ROBO1: variants seen among roughly 807,000 people sequenced by gnomAD.
The protein encoded by ROBO1 is roundabout homolog 1.
ROBO1 carries 149 observed loss-of-function variants against 195.9 expected under a neutral mutation model. The observed-to-expected ratio is 0.76, with a 90% CI of 0.67 to 0.87. The LOEUF is 0.87. Among genes scored for constraint, ROBO1 ranks in the 40% least tolerant of loss-of-function variants. ROBO1 has a pLI of 0.00. For missense variants in ROBO1, 1,933 were observed against 2,068.3 expected (o/e 0.93, Z 1.27); for synonymous variants, 816 against 733.2 (o/e 1.11, Z -1.82).
At chr3:79,603,623 A>G (rs772495702) in intron 1 of ROBO1, among the ~76,000 whole-genome samples, 14 of 152,038 alleles carry the variant, frequency 9.2e-5, no homozygotes, top group Non-Finnish European at 1.6e-4. Context: ...AGAGGATACT[A>G]AAACCTCATA....
chr3:78,647,919 G>A (rs947603100), intron 19 of ROBO1, among the ~76,000 whole-genome samples: 1 of 152,048 alleles, frequency 6.6e-6, no homozygotes, highest in Non-Finnish European at 1.5e-5. Flanking sequence ...GAATGACCCT[G>A]CATTTAGTAA....
At chr3:79,155,655 C>A (rs1343878975) in intron 2 of ROBO1, among the ~76,000 whole-genome samples, 1 of 151,502 alleles carries the variant, frequency 6.6e-6, no homozygotes, top group Admixed American at 6.6e-5. Flanking sequence ...TTCTTTTATT[C>A]CTAACAGTAC....
At chr3:78,967,841 G>C (rs76132424) in intron 3 of ROBO1, among the ~76,000 whole-genome samples, 7,728 of 152,036 alleles carry the variant, frequency 0.051, 229 homozygotes, top group Middle Eastern at 0.1. Context: ...GAAATTAAAT[G>C]GTATCTTTAA....
At chr3:78,652,028 G>T in intron 18 of ROBO1, 99 bp from the exon 19 acceptor site, 5 of 974,050 alleles carry the variant, frequency 5.1e-6, no homozygotes, top group South Asian at 1.6e-5. Flanking sequence ...TCTGGATAAT[G>T]ATTTCTGTTT....
chr3:79,752,593 G>T (rs1704178287), intron 1 of ROBO1, among the ~76,000 whole-genome samples: 1 of 152,126 alleles, frequency 6.6e-6, no homozygotes, highest in South Asian at 2.1e-4. Flanking sequence ...ATGGTAATTT[G>T]CTTGGACTCT....
intron 3 of ROBO1, among the ~76,000 whole-genome samples, chr3:78,963,012 G>T (rs1358353581): frequency 6.6e-6 from 1 of 151,442 alleles, no homozygotes; most frequent in African/African-American, 2.4e-5. Flanking sequence ...AGCAATGCAG[G>T]CACTCGGTGT....
At chr3:79,516,648 T>G (rs920758198) in intron 2 of ROBO1, among the ~76,000 whole-genome samples, 6 of 152,196 alleles carry the variant, frequency 3.9e-5, no homozygotes, top group African/African-American at 1.4e-4. Flanking sequence ...TATTTAAAAC[T>G]TTAATATGTA....
intron 1 of ROBO1, among the ~76,000 whole-genome samples, chr3:79,651,690 G>T (rs886541333): frequency 6.6e-6 from 1 of 152,096 alleles, no homozygotes; most frequent in South Asian, 2.1e-4. Flanking sequence ...AGCCTGAAGC[G>T]TTCATGGGTG....
chr3:79,542,641 A>C (rs1942116343), intron 2 of ROBO1, among the ~76,000 whole-genome samples: 7 of 152,060 alleles, frequency 4.6e-5, no homozygotes, highest in Admixed American at 4.6e-4. Context: ...AATTAAATGG[A>C]ATGTCTCATT....
chr3:79,099,886 G>A (rs532698739), intron 3 of ROBO1, among the ~76,000 whole-genome samples: 2 of 151,822 alleles, frequency 1.3e-5, no homozygotes, highest in Non-Finnish European at 2.9e-5. Context: ...TAACTCAGTC[G>A]TATGTATTAT....
chr3:79,428,052 A>G (rs945963271), intron 2 of ROBO1, among the ~76,000 whole-genome samples: 1 of 152,152 alleles, frequency 6.6e-6, no homozygotes, highest in East Asian at 1.9e-4. Flanking sequence ...CTGATAAGGG[A>G]TTAATAACCA....
intron 2 of ROBO1, among the ~76,000 whole-genome samples, chr3:79,212,883 G>A (rs186765712): frequency 6.6e-6 from 1 of 151,522 alleles, no homozygotes; most frequent in East Asian, 1.9e-4. Context: ...AACCCATTCT[G>A]GGTCTAGCTC....
chr3:79,692,947 A>G (rs1350734110), intron 1 of ROBO1, among the ~76,000 whole-genome samples: 1 of 151,856 alleles, frequency 6.6e-6, no homozygotes, highest in Non-Finnish European at 1.5e-5. Flanking sequence ...AAGTAATTTT[A>G]TACAATATTT....
chr3:78,683,185 T>C (rs901484700), intron 10 of ROBO1, among the ~76,000 whole-genome samples: 10 of 152,080 alleles, frequency 6.6e-5, no homozygotes, highest in African/African-American at 2.4e-4. Flanking sequence ...GGTATAAATG[T>C]ACCAAAATAT....
chr3:79,259,041 T>A (rs942544601), intron 2 of ROBO1, among the ~76,000 whole-genome samples: 1 of 152,118 alleles, frequency 6.6e-6, no homozygotes, highest in Non-Finnish European at 1.5e-5. Context: ...GACCCTAAAC[T>A]TTAATATTCA....
rs910637752 is a variant in ROBO1, at chr3:78,628,531, G to A, written c.3627-962C>T. 3.9e-5 allele frequency among the ~76,000 whole-genome samples: 6 copies of A among 152,230 alleles called. No homozygotes were observed. The South Asian group carries it at 6.2e-4, about 16-fold the overall frequency. ...TTTCTCTTTTCTCTTATCCCAGGGC[G>A]TATGTTTATCGATTATAAGGGCAAT... On this transcript the variant is annotated intron_variant, in intron 25 of 30. Transcript: ENST00000464233.
At chr3:79,124,352 T>A (rs535245486) in intron 3 of ROBO1, among the ~76,000 whole-genome samples, 1 of 152,250 alleles carries the variant, frequency 6.6e-6, no homozygotes, top group African/African-American at 2.4e-5. Context: ...CTGTACTACT[T>A]ATTTCAAGTG....
In ROBO1 at chr3:78,802,000, C is replaced by A. The variant is rs149275403; in HGVS notation, c.500-55100G>T. ...TAAAAGAGATTTTTCCCATACTGAT[C>A]TTTTCCCTTAAAGAGGTCTTATGAA... On this transcript the variant is annotated intron_variant, in intron 4 of 30. Coordinates refer to ENST00000464233, the MANE Select transcript of ROBO1 (RefSeq NM_002941.4). Among the ~76,000 whole-genome samples, 52 of 152,210 alleles carry A rather than the reference C, an allele frequency of 3.4e-4. No individual in the cohort carries two copies. In the Middle Eastern group the frequency reaches 0.01, roughly 30 times the overall value.
At chr3:79,018,342 T>A (rs1200057841) in intron 3 of ROBO1, 2 of 1,593,504 alleles carry the variant, frequency 1.3e-6, no homozygotes, top group African/African-American at 1.3e-5. Flanking sequence ...CTGGGTTTGA[T>A]CGTGCAAAGT....
Sources: allele counts gnomAD v4.1 joint callset (sites outside exome capture counted in the v4.1 genomes callset), GRCh38; gene constraint gnomAD v4.1.1; transcripts MANE v1.5; gene names NCBI Gene and HGNC (gene_info 2026-07-23, HGNC 2026-07-21).